ZEB1: variants seen among roughly 807,000 people sequenced by gnomAD.
ZEB1 encodes the protein zinc finger E-box binding homeobox 1, also known as zinc finger E-box-binding homeobox 1.
Under a neutral mutation model 84.9 loss-of-function variants are expected in ZEB1, and 21 were observed. That is an observed-to-expected ratio of 0.25 (90% CI 0.18 to 0.36). The LOEUF is 0.36. Ranked by LOEUF, ZEB1 falls within the 10% of genes least tolerant of loss-of-function variation. The pLI is 1.00. For synonymous variants in ZEB1, 420 were observed against 471.1 expected, an observed-to-expected ratio of 0.89 and a Z score of 1.41; for missense variants, 1,104 against 1,330.2, an observed-to-expected ratio of 0.83 and a Z score of 2.65.
intron 1 of ZEB1, among the ~76,000 whole-genome samples, chr10:31,374,327 C>T (rs1412075987): frequency 1.3e-5 from 2 of 151,732 alleles, no homozygotes; most frequent in Non-Finnish European, 1.5e-5. Context: ...TTGTGACAAG[C>T]ACCCAGCACA....
intron 2 of ZEB1, among the ~76,000 whole-genome samples, chr10:31,483,604 C>T (rs762888718): frequency 1.6e-4 from 24 of 151,844 alleles, no homozygotes; most frequent in Non-Finnish European, 2.6e-4. Context: ...AGGTAGAATC[C>T]GGTAATTACT....
At chr10:31,518,070 C>T (rs2071502861) in intron 6 of ZEB1, among the ~76,000 whole-genome samples, 2 of 152,064 alleles carry the variant, frequency 1.3e-5, no homozygotes, top group African/African-American at 4.8e-5. Context: ...TTTCTAGCGT[C>T]TCTAGAAGGA....
chr10:31,355,272 T>C (rs2041934240), intron 1 of ZEB1: 1 of 152,152 alleles, frequency 6.6e-6, no homozygotes, highest in Non-Finnish European at 1.5e-5. Context: ...CTTCAGGACT[T>C]CCAGATATTT....
chr10:31,414,051 G>C (rs1461353471), intron 1 of ZEB1, among the ~76,000 whole-genome samples: 1 of 152,120 alleles, frequency 6.6e-6, no homozygotes, highest in Non-Finnish European at 1.5e-5. Context: ...AATCATTTTT[G>C]ACTTATCGTT....
Position 31,345,597 on chromosome 10 carries a change from C to A in ZEB1, c.58+26305C>A, listed in dbSNP as rs139657251. Among the ~76,000 whole-genome samples, 40 of 152,156 alleles carry A rather than the reference C, an allele frequency of 2.6e-4. No individual in the cohort carries two copies. In the East Asian group the frequency reaches 6.8e-3, roughly 26 times the overall value. On this transcript the variant is annotated intron_variant, in intron 1 of 8. Transcript: ENST00000424869. ...AGATCAACTTGTGTGGGTTATGAGG[C>A]CCACCTTGACTAAGCAGGATATGTA...
intron 1 of ZEB1, among the ~76,000 whole-genome samples, chr10:31,455,165 A>C (rs1348236994): frequency 6.6e-6 from 1 of 152,140 alleles, no homozygotes; most frequent in Non-Finnish European, 1.5e-5. Context: ...AATGGGGAAA[A>C]GATTCCCTGT....
At chr10:31,474,372 C>T (rs1210910506) in intron 2 of ZEB1, among the ~76,000 whole-genome samples, 1 of 150,118 alleles carries the variant, frequency 6.7e-6, no homozygotes, top group Non-Finnish European at 1.5e-5. Context: ...AAGAAAAAAA[C>T]AAACAGCCCC....
intron 1 of ZEB1, chr10:31,321,826 G>A (rs2034158775): frequency 2.3e-6 from 1 of 429,386 alleles, no homozygotes; most frequent in South Asian, 3.3e-5. Flanking sequence ...GTTCTTGATC[G>A]CTGCAGCAAA....
intron 1 of ZEB1, among the ~76,000 whole-genome samples, chr10:31,447,376 A>G (rs1019881438): frequency 7.8e-6 from 1 of 128,142 alleles, no homozygotes. Context: ...CCAATTTGCC[A>G]GTCTGTGTCT....
intron 1 of ZEB1, among the ~76,000 whole-genome samples, chr10:31,416,681 T>C (rs890676618): frequency 2.6e-5 from 4 of 152,122 alleles, no homozygotes; most frequent in Admixed American, 6.6e-5. Flanking sequence ...TAAGTCCTGT[T>C]TTAGAGCACC....
intron 1 of ZEB1, among the ~76,000 whole-genome samples, chr10:31,444,086 C>CT (rs1423338300): frequency 6.6e-6 from 1 of 151,236 alleles, no homozygotes; most frequent in Non-Finnish European, 1.5e-5. Flanking sequence ...TGTTTCCTGA[C>CT]TTTTTAATGA....
rs183670771 is a variant in ZEB1 at position 31,409,602 on chromosome 10, A to G, written c.59-51435A>G. Among the ~76,000 whole-genome samples the G allele has an allele frequency of 1.4e-3, 206 of 152,254 alleles. 1 individual carries two copies. The highest frequency in any genetic ancestry group is 4.5e-3 in the African/African-American group (188 of 41,554). ...ATTCAATTTGTAAATTACCTTGGGCAGTATGGCCATTTTCACGATACTGAT... is the reference window on the plus strand; with the variant it reads ...ATTCAATTTGTAAATTACCTTGGGCGGTATGGCCATTTTCACGATACTGAT... On this transcript the variant is annotated intron_variant, in intron 1 of 8. Coordinates refer to ENST00000424869, the MANE Select transcript of ZEB1 (RefSeq NM_001174096.2).
At chr10:31,405,775 A>G (rs533616309) in intron 1 of ZEB1, among the ~76,000 whole-genome samples, 74 of 151,714 alleles carry the variant, frequency 4.9e-4, no homozygotes, top group Middle Eastern at 6.9e-3. Context: ...TACATGTGTC[A>G]TGGTGGTTTG....
At chr10:31,407,364 C>A (rs567679292) in intron 1 of ZEB1, among the ~76,000 whole-genome samples, 1 of 150,392 alleles carries the variant, frequency 6.6e-6, no homozygotes, top group Non-Finnish European at 1.5e-5. Flanking sequence ...TTTGTTATTG[C>A]GATAGTTTAC....
intron 1 of ZEB1, among the ~76,000 whole-genome samples, chr10:31,437,934 A>C (rs1333064250): frequency 6.6e-6 from 1 of 152,232 alleles, no homozygotes; most frequent in Non-Finnish European, 1.5e-5. Context: ...AAAGCCAATC[A>C]AAGGAGAATT....
intron 1 of ZEB1, among the ~76,000 whole-genome samples, chr10:31,382,603 A>C (rs759762550): frequency 9.9e-5 from 15 of 152,202 alleles, no homozygotes; most frequent in African/African-American, 3.6e-4. Context: ...ATATTACACA[A>C]CCATAGGAAT....
intron 1 of ZEB1, among the ~76,000 whole-genome samples, chr10:31,434,445 G>T (rs7922958): frequency 0.015 from 2,341 of 152,274 alleles, 56 homozygotes; most frequent in African/African-American, 0.052. Flanking sequence ...CATATCTTCA[G>T]ATGCTTAACC....
intron 1 of ZEB1, among the ~76,000 whole-genome samples, chr10:31,367,875 C>T (rs890214941): frequency 6.6e-6 from 1 of 151,802 alleles, no homozygotes; most frequent in Non-Finnish European, 1.5e-5. Flanking sequence ...CACCCAAAAA[C>T]GTAGAACATT....
At chr10:31,429,724 C>A (rs1173426487) in intron 1 of ZEB1, among the ~76,000 whole-genome samples, 1 of 138,174 alleles carries the variant, frequency 7.2e-6, no homozygotes, top group African/African-American at 2.7e-5. Context: ...TGAATACTTA[C>A]AGGCAGAACT....
Sources: gnomAD v4.1 joint callset for allele counts (sites outside exome capture counted in the v4.1 genomes callset) on GRCh38, gnomAD v4.1.1 for gene constraint, MANE v1.5 for transcripts, NCBI Gene and HGNC (gene_info 2026-07-23, HGNC 2026-07-21) for gene names.